The following DLG2 variants were observed in gnomAD, a reference collection of about 807,000 sequenced individuals.
DLG2 encodes discs large MAGUK scaffold protein 2.
A neutral mutation model predicts 132.5 loss-of-function variants in DLG2; 45 were observed. The ratio of observed to expected loss-of-function variants is 0.34; its 90% confidence interval spans 0.27 to 0.44. The LOEUF (loss-of-function observed/expected upper bound fraction) is 0.44. Ranked by LOEUF, DLG2 falls within the 20% of genes least tolerant of loss-of-function variation. The pLI is 1.00. For synonymous variants in DLG2, 424 were observed against 419.6 expected, an observed-to-expected ratio of 1.01 and a Z score of -0.13; for missense variants, 1,045 against 1,196.9, an observed-to-expected ratio of 0.87 and a Z score of 1.87.
chr11:85,078,802 T>A (rs2066878055), intron 6 of DLG2, among the ~76,000 whole-genome samples: 1 of 152,082 alleles, frequency 6.6e-6, no homozygotes, highest in Admixed American at 6.6e-5. Context: ...AACATAAAAA[T>A]TATTGTTAAC....
At chr11:85,149,472 A>T (rs181134996) in intron 5 of DLG2, among the ~76,000 whole-genome samples, 1 of 152,270 alleles carries the variant, frequency 6.6e-6, no homozygotes, top group African/African-American at 2.4e-5. Context: ...AATCTTGATT[A>T]TCTGATGCCA....
At chr11:84,786,894 G>A (rs2072991766) in intron 6 of DLG2, among the ~76,000 whole-genome samples, 1 of 152,132 alleles carries the variant, frequency 6.6e-6, no homozygotes, top group African/African-American at 2.4e-5. Context: ...AGGGTCCCGG[G>A]GGCCAGGAAA....
chr11:85,505,753 T>A (rs771209934), intron 3 of DLG2, among the ~76,000 whole-genome samples: 11 of 152,198 alleles, frequency 7.2e-5, no homozygotes, highest in Admixed American at 5.9e-4. Context: ...TAGGGAGGAT[T>A]CCCGCTTTTT....
intron 18 of DLG2, among the ~76,000 whole-genome samples, chr11:83,737,362 C>A (rs1003894027): frequency 3.3e-5 from 5 of 152,000 alleles, no homozygotes; most frequent in Non-Finnish European, 7.4e-5. Context: ...AGCAATTAAT[C>A]AGACAAAAAA....
intron 6 of DLG2, among the ~76,000 whole-genome samples, chr11:84,594,646 T>C (rs2099552009): frequency 6.6e-6 from 1 of 152,170 alleles, no homozygotes; most frequent in Non-Finnish European, 1.5e-5. Context: ...ACAAAAACTT[T>C]AAATGGCATG....
chr11:84,732,740 C>A (rs1483914800), intron 6 of DLG2, among the ~76,000 whole-genome samples: 3 of 151,764 alleles, frequency 2.0e-5, no homozygotes, highest in Admixed American at 2.0e-4. Context: ...GTGTGCTGCA[C>A]CCATTAACTC....
rs149647501 is a variant in DLG2, at chr11:84,856,599, C to T, written c.357+255062G>A. On this transcript the variant is annotated intron_variant, in intron 6 of 27. Transcript: ENST00000376104. ...TATACTAGTCTAAGCTATTATCCTT[C>T]TTTATCTAAACTCATTTTAATTTTC... 8.3e-3 allele frequency among the ~76,000 whole-genome samples: 1,258 copies of T among 152,190 alleles called. 6 individuals carry two copies. Among genetic ancestry groups the T allele is most frequent in the Non-Finnish European group, 0.013 (901 of 68,000 alleles).
intron 7 of DLG2, among the ~76,000 whole-genome samples, chr11:84,358,982 G>A (rs61897663): frequency 0.085 from 12,964 of 151,794 alleles, 604 homozygotes; most frequent in Middle Eastern, 0.11. Context: ...AGTTTTATGG[G>A]GGAGAGATAC....
intron 3 of DLG2, among the ~76,000 whole-genome samples, chr11:85,534,945 C>T (rs2075474029): frequency 6.6e-6 from 1 of 152,234 alleles, no homozygotes; most frequent in South Asian, 2.1e-4. Context: ...AACTAATTTA[C>T]ATTTTCACCA....
chr11:85,333,203 A>G lies in DLG2; in HGVS notation c.41-47838T>C, dbSNP rs533025529. Among the ~76,000 whole-genome samples the G allele has an allele frequency of 4.8e-4, 73 of 152,164 alleles. 1 individual carries two copies. Among genetic ancestry groups the G allele is most frequent in the African/African-American group, 1.6e-3 (65 of 41,520 alleles). ...CTATGTATTTCATTATTTTGTGGCTATTGTAAATGGGCTTGTGTTCTTGAT... is the reference window on the plus strand; with the variant it reads ...CTATGTATTTCATTATTTTGTGGCTGTTGTAAATGGGCTTGTGTTCTTGAT... On this transcript the variant is annotated intron_variant, in intron 3 of 27. Coordinates refer to ENST00000376104, the MANE Select transcript of DLG2 (RefSeq NM_001142699.3).
chr11:84,974,699 G>C (rs1434356085), intron 6 of DLG2, among the ~76,000 whole-genome samples: 1 of 152,174 alleles, frequency 6.6e-6, no homozygotes, highest in Non-Finnish European at 1.5e-5. Context: ...GCATTAAATA[G>C]CAGTATGTGA....
At chr11:85,325,200 C>T (rs1259591789) in intron 3 of DLG2, among the ~76,000 whole-genome samples, 31 of 133,610 alleles carry the variant, frequency 2.3e-4, no homozygotes, top group Admixed American at 1.3e-3. Context: ...GGGGGAGGGG[C>T]GCCCGCCATT....
At chr11:84,321,798 T>C (rs1264874522) in intron 7 of DLG2, among the ~76,000 whole-genome samples, 4 of 152,192 alleles carry the variant, frequency 2.6e-5, no homozygotes, top group Non-Finnish European at 2.9e-5. Flanking sequence ...AGATCTCTTT[T>C]ACTCAGAAAT....
chr11:84,628,746 G>A lies in DLG2; in HGVS notation c.358-94015C>T, dbSNP rs566992973. 5.3e-5 allele frequency among the ~76,000 whole-genome samples: 8 copies of A among 152,290 alleles called. No homozygotes were observed. In the East Asian group the frequency reaches 1.4e-3, roughly 26 times the overall value. On this transcript the variant is annotated intron_variant, in intron 6 of 27. Transcript: ENST00000376104. ...AGTCACTTGGTGGGTTGGAGACAAA[G>A]ATGTCAGTTTTATGTTTAACTTCTT...
intron 18 of DLG2, among the ~76,000 whole-genome samples, chr11:83,775,429 T>G (rs1422047733): frequency 6.6e-6 from 1 of 152,250 alleles, no homozygotes. Context: ...AAACCACTTA[T>G]GCTTTCTGTG....
intron 4 of DLG2, among the ~76,000 whole-genome samples, chr11:85,166,161 T>C (rs1481892610): frequency 6.6e-6 from 1 of 152,134 alleles, no homozygotes; most frequent in Non-Finnish European, 1.5e-5. Context: ...GAAACATCTC[T>C]CTCTCCTATT....
chr11:84,292,627 C>A (rs1467982030), intron 7 of DLG2, among the ~76,000 whole-genome samples: 1 of 152,140 alleles, frequency 6.6e-6, no homozygotes, highest in African/African-American at 2.4e-5. Context: ...AATCTGGCAC[C>A]TATATCTTAT....
chr11:84,402,694 C>T (rs1468456120), intron 7 of DLG2, among the ~76,000 whole-genome samples: 2 of 151,742 alleles, frequency 1.3e-5, no homozygotes, highest in African/African-American at 4.9e-5. Context: ...CACCCCGGCT[C>T]ACACGGTGAA....
At chr11:84,050,278 A>G (rs1437055100) in intron 11 of DLG2, among the ~76,000 whole-genome samples, 1 of 151,708 alleles carries the variant, frequency 6.6e-6, no homozygotes, top group Admixed American at 6.6e-5. Context: ...ATAGTACGCC[A>G]GATAAGATAT....
Sources: allele counts gnomAD v4.1 joint callset (sites outside exome capture counted in the v4.1 genomes callset), GRCh38; gene constraint gnomAD v4.1.1; transcripts MANE v1.5; gene names NCBI Gene and HGNC (gene_info 2026-07-23, HGNC 2026-07-21).